The following BRINP1 variants were observed in gnomAD, a reference collection of about 807,000 sequenced individuals.
BRINP1 encodes the protein BMP/retinoic acid inducible neural specific 1, also known as BMP/retinoic acid-inducible neural-specific protein 1.
In BRINP1, 17 loss-of-function variants were observed where a neutral mutation model predicts 72.9. The ratio of observed to expected loss-of-function variants is 0.23; its 90% CI spans 0.16 to 0.35. The LOEUF is 0.35. Ranked by LOEUF, BRINP1 falls within the 10% of genes least tolerant of loss-of-function variation. The pLI is 1.00. For missense variants in BRINP1, 850 were observed against 1,001.6 expected, an observed-to-expected ratio of 0.85 and a Z score of 2.04; for synonymous variants, 418 against 378.5, an observed-to-expected ratio of 1.10 and a Z score of -1.21.
At chr9:119,357,458 A>C (rs535441255) in intron 1 of BRINP1, among the ~76,000 whole-genome samples, 25 of 152,366 alleles carry the variant, frequency 1.6e-4, no homozygotes, top group African/African-American at 5.8e-4. Flanking sequence ...CAGAGTTAGA[A>C]AGCAGCTCAT....
At chr9:119,235,137 C>T (rs1389494157) in intron 5 of BRINP1, among the ~76,000 whole-genome samples, 5 of 152,108 alleles carry the variant, frequency 3.3e-5, no homozygotes, top group Non-Finnish European at 7.4e-5. Flanking sequence ...TCACCAACCT[C>T]TAATCCACCC....
intron 7 of BRINP1, among the ~76,000 whole-genome samples, chr9:119,198,266 A>C (rs949148242): frequency 6.6e-6 from 1 of 152,212 alleles, no homozygotes; most frequent in Non-Finnish European, 1.5e-5. Context: ...TTACCCAACA[A>C]ACTATTGGTT....
rs1830968166 is a variant in BRINP1 at position 119,303,984 on chromosome 9, A to G, written c.218+9154T>C. ...AACCTCTGCCTCCTCGATTCAAGGG[A>G]TTGTCCTGTCTCAGCCTCCCAAGTA... On this transcript the variant is annotated intron_variant, in intron 2 of 7. Transcript: ENST00000265922. Among the ~76,000 whole-genome samples, 4 of 148,616 alleles carry G rather than the reference A, an allele frequency of 2.7e-5. No homozygotes were observed. In the Admixed American group the frequency reaches 2.7e-4, roughly 10 times the overall value.
chr9:119,305,629 TTCC>T (rs1427520465), intron 2 of BRINP1, among the ~76,000 whole-genome samples: 9 of 152,200 alleles, frequency 5.9e-5, no homozygotes, highest in African/African-American at 2.2e-4. Flanking sequence ...TCAACACCTC[TTCC>T]TCCAGCATGC....
At chr9:119,339,714 G>A (rs886567755) in intron 1 of BRINP1, among the ~76,000 whole-genome samples, 13 of 152,292 alleles carry the variant, frequency 8.5e-5, no homozygotes, top group African/African-American at 3.1e-4. Flanking sequence ...CAAGCTCAGA[G>A]AGGTTAAGTG....
chr9:119,296,871 G>T (rs750533332), intron 2 of BRINP1, among the ~76,000 whole-genome samples: 1 of 148,892 alleles, frequency 6.7e-6, no homozygotes, highest in Non-Finnish European at 1.5e-5. Flanking sequence ...AGGGAGAAAT[G>T]GGGAGAGTTT....
At chr9:119,212,897 G>C (rs1037238171) in intron 6 of BRINP1, among the ~76,000 whole-genome samples, 1 of 152,158 alleles carries the variant, frequency 6.6e-6, no homozygotes, top group Non-Finnish European at 1.5e-5. Flanking sequence ...TCTAAAGGAG[G>C]TTTATGAGTA....
chr9:119,169,869 C>T (rs1259876920), intron 7 of BRINP1, among the ~76,000 whole-genome samples: 2 of 152,160 alleles, frequency 1.3e-5, no homozygotes, highest in Non-Finnish European at 2.9e-5. Flanking sequence ...CCAGCAGGGG[C>T]ACACTGACAC....
intron 5 of BRINP1, among the ~76,000 whole-genome samples, chr9:119,215,574 G>A (rs185103372): frequency 6.6e-6 from 1 of 152,178 alleles, no homozygotes; most frequent in African/African-American, 2.4e-5. Flanking sequence ...CAACTCATCA[G>A]GGATTTGCTC....
At chr9:119,242,271 A>C in intron 3 of BRINP1, 55 bp from the exon 4 acceptor site, 1 of 504,796 alleles carries the variant, frequency 2.0e-6, no homozygotes, top group South Asian at 5.2e-5. Flanking sequence ...ATGTGAGAGG[A>C]CAGGGATGGG....
intron 5 of BRINP1, among the ~76,000 whole-genome samples, chr9:119,217,203 T>C (rs1829987320): frequency 6.6e-6 from 1 of 152,116 alleles, no homozygotes; most frequent in South Asian, 2.1e-4. Context: ...CCTGCTTCAA[T>C]GGGAACCATA....
chr9:119,214,348 T>C (rs1427971998), intron 5 of BRINP1, among the ~76,000 whole-genome samples, 193 bp from the exon 6 acceptor site: 2 of 152,234 alleles, frequency 1.3e-5, no homozygotes, highest in African/African-American at 4.8e-5. Flanking sequence ...TCACTTTTAC[T>C]TAAACTTCTC....
In BRINP1 at chr9:119,368,020, A is replaced by T. The variant is rs1301071117; in HGVS notation, c.-51+1036T>A. Reference sequence around the variant, plus strand: ...AAGTGCCCCATCCATCTCCTTCCATATCATCCACAGCCGCCCCAGATGAAA... The same window carrying T: ...AAGTGCCCCATCCATCTCCTTCCATTTCATCCACAGCCGCCCCAGATGAAA... On this transcript the variant is annotated intron_variant, in intron 1 of 7. Coordinates refer to ENST00000265922, the MANE Select transcript of BRINP1 (RefSeq NM_014618.3). The surrounding 1 kb of genome is among the most constrained non-coding windows in gnomAD (Gnocchi z 4.7). Among the ~76,000 whole-genome samples the T allele has an allele frequency of 2.6e-5, 4 of 152,174 alleles. No homozygotes were observed. The highest frequency in any genetic ancestry group is 9.7e-5 in the African/African-American group (4 of 41,430).
intron 7 of BRINP1, among the ~76,000 whole-genome samples, chr9:119,193,557 T>G (rs1006391543): frequency 5.3e-5 from 8 of 152,188 alleles, no homozygotes; most frequent in African/African-American, 1.4e-4. Flanking sequence ...TTAGCTGCTC[T>G]TGTAACAGGA....
chr9:119,168,347 A>G, intron 7 of BRINP1, 123 bp from the exon 8 acceptor site: 1 of 714,022 alleles, frequency 1.4e-6, no homozygotes, highest in Non-Finnish European at 2.2e-6. Context: ...TGGAGCAGTG[A>G]CAATACAGGA....
intron 2 of BRINP1, among the ~76,000 whole-genome samples, chr9:119,251,672 T>TTA (rs58112464): frequency 0.71 from 108,002 of 151,290 alleles, 39,356 homozygotes; most frequent in East Asian, 0.91. Context: ...ACAGAAAACA[T>TTA]TGAGAAGGGC....
At chr9:119,293,604 T>C (rs1830842903) in intron 2 of BRINP1, among the ~76,000 whole-genome samples, 1 of 152,210 alleles carries the variant, frequency 6.6e-6, no homozygotes, top group Non-Finnish European at 1.5e-5. Flanking sequence ...TATATCACAC[T>C]GGATAAATAA....
chr9:119,295,153 ATTTTTAATTTT>A (rs1830861957), intron 2 of BRINP1, among the ~76,000 whole-genome samples: 1 of 149,152 alleles, frequency 6.7e-6, no homozygotes, highest in Admixed American at 6.6e-5. Flanking sequence ...ATTTTTTATT[ATTTTTAATTTT>A]TTTTTAATTA....
At position 119,302,540 on chromosome 9, in the gene BRINP1, T is replaced by C. The variant is rs569167109; in HGVS notation, c.218+10598A>G. Among the ~76,000 whole-genome samples the C allele has an allele frequency of 3.9e-4, 59 of 152,266 alleles. No homozygotes were observed. The South Asian group carries it at 4.1e-3, about 11-fold the overall frequency. ...AAATCATTGAAACCTTAAGAACATC[T>C]TGAAATGAGAAAGTGTAGGATCCAT... On this transcript the variant is annotated intron_variant, in intron 2 of 7. Coordinates refer to ENST00000265922, the MANE Select transcript of BRINP1 (RefSeq NM_014618.3).
Sources: gnomAD v4.1 joint callset for allele counts (sites outside exome capture counted in the v4.1 genomes callset) on GRCh38, gnomAD v4.1.1 for gene constraint, Gnocchi (gnomAD v3.1) non-coding constraint, MANE v1.5 for transcripts, NCBI Gene and HGNC (gene_info 2026-07-23, HGNC 2026-07-21) for gene names.